PCDHB2: variants seen among roughly 807,000 people sequenced by gnomAD.
PCDHB2 encodes protocadherin beta-2.
For synonymous variants in PCDHB2, 395 were observed against 464.9 expected (o/e 0.85, Z 1.93); for missense variants, 914 against 1,023.1 (o/e 0.89, Z 1.45).
chr5:141,097,256 C>A lies in PCDHB2; in HGVS notation c.*69C>A. 1 of 1,475,020 alleles carries A rather than the reference C, an allele frequency of 6.8e-7. No individual in the cohort carries two copies. The highest frequency in any genetic ancestry group is 9.1e-7 in the Non-Finnish European group (1 of 1,096,442). The allele number at this position is 1,475,020 out of a possible 1,614,324, so 91.4% of individuals were successfully genotyped here. On this transcript the variant is annotated 3_prime_UTR_variant, in exon 1 of 1. Coordinates refer to ENST00000194155, the MANE Select transcript of PCDHB2 (RefSeq NM_018936.4). ...GAAAGTCCTTTTTTACTGCTTTGCC[C>A]ATTGGAGGTGTCTCCTTTTATTAGA...
rs2149613842 is a variant in PCDHB2, at chr5:141,098,332, A to G, written c.*1145A>G. 1 of 152,296 alleles carries G rather than the reference A, an allele frequency of 6.6e-6. No homozygotes were observed. Among genetic ancestry groups the G allele is most frequent in the East Asian group, 1.9e-4 (1 of 5,186 alleles). 9.4% of individuals were successfully genotyped at this position (152,296 alleles called of 1,614,324 possible). ...TAAAATCCAAAAAATTTGAGGGAGTACATGTCTTTGTCCTTTACCTTTAGA... is the reference window on the plus strand; with the variant it reads ...TAAAATCCAAAAAATTTGAGGGAGTGCATGTCTTTGTCCTTTACCTTTAGA... On this transcript the variant is annotated 3_prime_UTR_variant, in exon 1 of 1. Coordinates refer to ENST00000194155, the MANE Select transcript of PCDHB2 (RefSeq NM_018936.4).
chr5:141,096,568 C>G lies in PCDHB2; in HGVS notation c.1778C>G (p.Ala593Gly). 1 of 1,605,976 alleles carries G rather than the reference C, an allele frequency of 6.2e-7. No individual in the cohort carries two copies. Among genetic ancestry groups the G allele is most frequent in the Non-Finnish European group, 8.5e-7 (1 of 1,178,322 alleles). ...GGCTACCTGGTGACCAAGGTGGTGG[C>G]GGTGGACGGCGACTCGGGCCAGAAC... ...EPGYLVTKVV[A>G]VDGDSGQNAW... The change falls in exon 1 of 1, where the codon GCG becomes GGG. Residue 593 changes from alanine (A) to glycine (G), a missense_variant. Coordinates refer to ENST00000194155, the MANE Select transcript of PCDHB2 (RefSeq NM_018936.4).
In PCDHB2 at chr5:141,095,634, G is replaced by A; in HGVS notation, c.844G>A (p.Ala282Thr). The stretch of plus-strand genomic sequence containing the variant: ...TGGAACTAATGGAGAAATATCTTAT[G>A]CATTTTCCCAAGCATCTGAAGACAT... Reference protein sequence around the residue: ...DIGTNGEISYAFSQASEDIRK... With the variant: ...DIGTNGEISYTFSQASEDIRK... The change falls in exon 1 of 1, where the codon GCA (alanine) becomes ACA (threonine). Residue 282 changes from alanine (A) to threonine (T), a missense_variant. Physicochemically the swap from Ala to Thr is moderately conservative, Grantham distance 58. Coordinates refer to ENST00000194155, the MANE Select transcript of PCDHB2 (RefSeq NM_018936.4). The A allele has an allele frequency of 6.2e-7, 1 of 1,614,196 alleles. No homozygotes were observed. The highest frequency in any genetic ancestry group is 1.7e-5 in the Admixed American group (1 of 60,026).
Position 141,095,079 on chromosome 5 carries a change from C to A in PCDHB2, c.289C>A (p.Leu97Met). ...LLNEKLDREE[L>M]CGPTEPCVLP... is the part of the protein sequence containing the mutation. ...AAATGAGAAATTGGACCGGGAGGAG[C>A]TGTGCGGCCCCACAGAGCCCTGTGT... is the stretch of plus-strand genomic sequence containing the variant. The change falls in exon 1 of 1, where the codon CTG becomes ATG. Residue 97 changes from leucine (L) to methionine (M), a missense_variant. By Grantham distance (15) the Leu-to-Met change is conservative (BLOSUM62 2). Transcript: ENST00000194155. 6.2e-7 allele frequency: 1 copy of A among 1,614,160 alleles called. No homozygotes were observed. Among genetic ancestry groups the A allele is most frequent in the Non-Finnish European group, 8.5e-7 (1 of 1,180,028 alleles).
Position 141,095,919 on chromosome 5 carries a change from T to C in PCDHB2, c.1129T>C (p.Ser377Pro), listed in dbSNP as rs370259934. The C allele has an allele frequency of 4.3e-6, 7 of 1,614,036 alleles. No homozygotes were observed. The highest frequency in any genetic ancestry group is 5.9e-6 in the Non-Finnish European group (7 of 1,180,032). Residue 377 changes from serine to proline, a missense_variant, in exon 1 of 1, where the codon TCC becomes CCC. Physicochemically the swap from Ser to Pro is moderately conservative, Grantham distance 74. Transcript: ENST00000194155. ...IAVFSVSDPD[S>P]GDNGRMVCSI... ...TGTATTCAGCGTTTCAGATCCTGAC[T>C]CCGGAGACAACGGAAGGATGGTGTG...
At position 141,098,429 on chromosome 5, in the gene PCDHB2, C is replaced by CCT. The variant is rs1554271863; in HGVS notation, c.*1243_*1244dup. ...CATTTAGGATTCACTTAGAAACAAGCCTTTAGGGAGAAAAATTTATCTAGC... is the reference window on the plus strand; with the variant it reads ...CATTTAGGATTCACTTAGAAACAAGCCTCTTTAGGGAGAAAAATTTATCTAGC... On this transcript the variant is annotated 3_prime_UTR_variant, in exon 1 of 1. Coordinates refer to ENST00000194155, the MANE Select transcript of PCDHB2 (RefSeq NM_018936.4). 1 of 152,130 alleles carries CCT rather than the reference C, an allele frequency of 6.6e-6. No individual in the cohort carries two copies. The highest frequency in any genetic ancestry group is 2.4e-5 in the African/African-American group (1 of 41,416). The allele number at this position is 152,130 out of a possible 1,614,324, so 9.4% of individuals were successfully genotyped here.
In PCDHB2 at chr5:141,095,443, A is replaced by G. The variant is rs1376657021; in HGVS notation, c.653A>G (p.Asp218Gly). The change falls in exon 1 of 1, where the codon GAT (aspartate) becomes GGT (glycine). Residue 218 changes from aspartate (D) to glycine (G), a missense_variant. By Grantham distance (94) the Asp-to-Gly change is moderately conservative. Coordinates refer to ENST00000194155, the MANE Select transcript of PCDHB2 (RefSeq NM_018936.4). ...ATCAGGTTAACCCTCACAGCGCTAG[A>G]TGGCGGGAGTCCACCCAGGTCCGGC... ...PEIRLTLTALDGGSPPRSGTA... is the reference protein window; with the variant it reads ...PEIRLTLTALGGGSPPRSGTA... 5.0e-6 allele frequency: 8 copies of G among 1,614,034 alleles called. No individual in the cohort carries two copies. The highest frequency in any genetic ancestry group is 1.7e-5 in the Admixed American group (1 of 60,006).
In PCDHB2 at chr5:141,095,205, GA is replaced by G; in HGVS notation, c.418del (p.Ile140TyrfsTer3). ...NDHSPVFLDK[E>X]ILLKIPESIT... ...TCATTCCCCAGTTTTCCTAGACAAA[GA>G]AATACTTTTGAAAATTCCAGAAAGT... On this transcript the variant is annotated frameshift_variant, in exon 1 of 1. Coordinates refer to ENST00000194155, the MANE Select transcript of PCDHB2 (RefSeq NM_018936.4). LOFTEE classifies it low-confidence loss of function (END_TRUNC). 1 of 1,610,912 alleles carries G rather than the reference GA, an allele frequency of 6.2e-7. No homozygotes were observed. The highest frequency in any genetic ancestry group is 1.1e-5 in the South Asian group (1 of 90,712).
At position 141,096,525 on chromosome 5, in the gene PCDHB2, C is replaced by T. The variant is rs782649460; in HGVS notation, c.1735C>T (p.Pro579Ser). 2.5e-6 allele frequency: 4 copies of T among 1,606,754 alleles called. No individual in the cohort carries two copies. Among genetic ancestry groups the T allele is most frequent in the Non-Finnish European group, 3.4e-6 (4 of 1,177,546 alleles). The change falls in exon 1 of 1, where the codon CCC becomes TCC. Residue 579 changes from proline (P) to serine (S), a missense_variant. Coordinates refer to ENST00000194155, the MANE Select transcript of PCDHB2 (RefSeq NM_018936.4). The stretch of plus-strand genomic sequence containing the variant: ...CTCCGCGCCCTGCACCGAGCTGGTG[C>T]CCCGGGCGGCCGAGCCGGGCTACCT... ...NGSAPCTELV[P>S]RAAEPGYLVT...
Position 141,095,174 on chromosome 5 carries a change from A to G in PCDHB2, c.384A>G (p.Val128=), listed in dbSNP as rs1554271182. Residue 128 remains valine, a synonymous_variant, in exon 1 of 1, where the codon GTA becomes GTG. Coordinates refer to ENST00000194155, the MANE Select transcript of PCDHB2 (RefSeq NM_018936.4). ...FFQAELRIRD[V]NDHSPVFLDK... is the part of the protein sequence containing the mutation. ...AGGCGGAGCTACGGATTAGGGACGTAAATGATCATTCCCCAGTTTTCCTAG... is the reference window on the plus strand; with the variant it reads ...AGGCGGAGCTACGGATTAGGGACGTGAATGATCATTCCCCAGTTTTCCTAG... 2 of 1,611,220 alleles carry G rather than the reference A, an allele frequency of 1.2e-6. No homozygotes were observed. Among genetic ancestry groups the G allele is most frequent in the African/African-American group, 2.7e-5 (2 of 74,686 alleles).
chr5:141,097,091 G>A lies in PCDHB2; in HGVS notation c.2301G>A (p.Lys767=), dbSNP rs1336365607. 6 of 1,611,920 alleles carry A rather than the reference G, an allele frequency of 3.7e-6. No homozygotes were observed. The highest frequency in any genetic ancestry group is 5.1e-6 in the Non-Finnish European group (6 of 1,178,812). Residue 767 remains lysine (K), a synonymous_variant, in exon 1 of 1, where the codon AAG becomes AAA. Transcript: ENST00000194155. ...LTGGSGTNEF[K]FLKPIIPNFV... ...GAGGCTCCGGGACAAATGAGTTCAA[G>A]TTCCTGAAGCCAATTATCCCCAACT... is the stretch of plus-strand genomic sequence containing the variant.
chr5:141,096,763 C>T lies in PCDHB2; in HGVS notation c.1973C>T (p.Ala658Val), dbSNP rs782734040. 5 of 1,609,910 alleles carry T rather than the reference C, an allele frequency of 3.1e-6. No homozygotes were observed. Among genetic ancestry groups the T allele is most frequent in the Non-Finnish European group, 4.2e-6 (5 of 1,179,654 alleles). The part of the protein sequence containing the change: ...DNGEPPRSAT[A>V]TLHVLLVDGF... ...GGCGAGCCTCCGCGCTCGGCCACCGCCACGCTGCACGTGCTCCTGGTGGAC... is the reference window on the plus strand; with the variant it reads ...GGCGAGCCTCCGCGCTCGGCCACCGTCACGCTGCACGTGCTCCTGGTGGAC... Residue 658 changes from alanine to valine, a missense_variant, in exon 1 of 1, where the codon GCC becomes GTC. Coordinates refer to ENST00000194155, the MANE Select transcript of PCDHB2 (RefSeq NM_018936.4).
chr5:141,096,475 T>C lies in PCDHB2; in HGVS notation c.1685T>C (p.Phe562Ser), dbSNP rs1357663714. 1.1e-5 allele frequency: 18 copies of C among 1,610,702 alleles called. No homozygotes were observed. Among genetic ancestry groups the C allele is most frequent in the Non-Finnish European group, 1.4e-5 (16 of 1,179,210 alleles). ...LVLDANDNSP[F>S]VLYPLQNGSA... ...CTGGACGCCAACGACAACTCGCCCT[T>C]CGTGCTGTACCCGCTGCAGAACGGC... Residue 562 changes from phenylalanine (F) to serine (S), a missense_variant, in exon 1 of 1, where the codon TTC becomes TCC. Physicochemically the swap from Phe to Ser is radical, Grantham distance 155. Coordinates refer to ENST00000194155, the MANE Select transcript of PCDHB2 (RefSeq NM_018936.4).
Position 141,096,552 on chromosome 5 carries a change from G to C in PCDHB2, c.1762G>C (p.Val588Leu). The C allele has an allele frequency of 6.2e-7, 1 of 1,606,882 alleles. No homozygotes were observed. Among genetic ancestry groups the C allele is most frequent in the Non-Finnish European group, 8.5e-7 (1 of 1,178,076 alleles). ...CCGGGCGGCCGAGCCGGGCTACCTGGTGACCAAGGTGGTGGCGGTGGACGG... is the reference window on the plus strand; with the variant it reads ...CCGGGCGGCCGAGCCGGGCTACCTGCTGACCAAGGTGGTGGCGGTGGACGG... ...VPRAAEPGYLVTKVVAVDGDS... is the reference protein window; with the variant it reads ...VPRAAEPGYLLTKVVAVDGDS... The change falls in exon 1 of 1, where the codon GTG becomes CTG. Residue 588 changes from valine to leucine, a missense_variant. Coordinates refer to ENST00000194155, the MANE Select transcript of PCDHB2 (RefSeq NM_018936.4).
chr5:141,095,519 G>A lies in PCDHB2; in HGVS notation c.729G>A (p.Glu243=). 1 of 1,614,046 alleles carries A rather than the reference G, an allele frequency of 6.2e-7. No homozygotes were observed. The highest frequency in any genetic ancestry group is 8.5e-7 in the Non-Finnish European group (1 of 1,179,952). ...TGGACATCAATGACAACGTCCCAGA[G>A]TTTGCAAAGCTGCTCTATGAGGTGC... ...EVVDINDNVP[E]FAKLLYEVQI... is the part of the protein sequence containing the mutation. Residue 243 remains glutamate (E), a synonymous_variant, in exon 1 of 1, where the codon GAG becomes GAA. Coordinates refer to ENST00000194155, the MANE Select transcript of PCDHB2 (RefSeq NM_018936.4).
chr5:141,095,460 A>T lies in PCDHB2; in HGVS notation c.670A>T (p.Arg224Trp), dbSNP rs372563128. Residue 224 changes from arginine to tryptophan, a missense_variant, in exon 1 of 1, where the codon AGG (arginine) becomes TGG (tryptophan). Physicochemically the swap from Arg to Trp is moderately radical, Grantham distance 101 (BLOSUM62 -3). Transcript: ENST00000194155. ...LTALDGGSPPRSGTALVRIEV... is the reference protein window; with the variant it reads ...LTALDGGSPPWSGTALVRIEV... ...AGCGCTAGATGGCGGGAGTCCACCC[A>T]GGTCCGGCACGGCCCTGGTACGGAT... is the stretch of plus-strand genomic sequence containing the variant. 1.2e-6 allele frequency: 2 copies of T among 1,614,066 alleles called. No individual in the cohort carries two copies. The highest frequency in any genetic ancestry group is 1.3e-5 in the African/African-American group (1 of 74,930).
Position 141,096,451 on chromosome 5 carries a change from T to A in PCDHB2, c.1661T>A (p.Leu554Gln). ...GAGGCGCTGGTGCGCGTGCTGGTGC[T>A]GGACGCCAACGACAACTCGCCCTTC... The part of the protein sequence containing the change: ...SSEALVRVLV[L>Q]DANDNSPFVL... The change falls in exon 1 of 1, where the codon CTG becomes CAG. Residue 554 changes from leucine (L) to glutamine (Q), a missense_variant. Leu to Gln is a moderately radical substitution (Grantham distance 113, BLOSUM62 -2). Transcript: ENST00000194155. 6.2e-7 allele frequency: 1 copy of A among 1,611,270 alleles called. No homozygotes were observed. Among genetic ancestry groups the A allele is most frequent in the Non-Finnish European group, 8.5e-7 (1 of 1,179,376 alleles).
At position 141,097,045 on chromosome 5, in the gene PCDHB2, A is replaced by G. The variant is rs2149613251; in HGVS notation, c.2255A>G (p.Gln752Arg). 6.2e-7 allele frequency: 1 copy of G among 1,613,924 alleles called. No homozygotes were observed. The highest frequency in any genetic ancestry group is 1.7e-4 in the Middle Eastern group (1 of 6,058). The change falls in exon 1 of 1, where the codon CAG (glutamine) becomes CGG (arginine). Residue 752 changes from glutamine to arginine, a missense_variant. Physicochemically the swap from Gln to Arg is conservative, Grantham distance 43. Transcript: ENST00000194155. ...ACCGGGACCCTGTCCCAGAGCTACC[A>G]GTACGAGGTGTGTCTGACTGGAGGC... ...SGTGTLSQSY[Q>R]YEVCLTGGSG...
At position 141,097,647 on chromosome 5, in the gene PCDHB2, T is replaced by C. The variant is rs1451497850; in HGVS notation, c.*460T>C. On this transcript the variant is annotated 3_prime_UTR_variant, in exon 1 of 1. Transcript: ENST00000194155. Reference sequence around the variant, plus strand: ...TTGGCTAACCCTTTAAATAGGTATATTTATGAATAATATAGCAAGCACCGT... The same window carrying C: ...TTGGCTAACCCTTTAAATAGGTATACTTATGAATAATATAGCAAGCACCGT... 4.6e-5 allele frequency: 7 copies of C among 153,250 alleles called. No homozygotes were observed. The highest frequency in any genetic ancestry group is 1.4e-4 in the African/African-American group (6 of 41,578). 9.5% of individuals were successfully genotyped at this position (153,250 alleles called of 1,614,324 possible).
Sources: allele counts gnomAD v4.1 joint callset, GRCh38; gene constraint gnomAD v4.1.1; transcripts MANE v1.5; gene names NCBI Gene and HGNC (gene_info 2026-07-23, HGNC 2026-07-21).